RECK: variants seen among roughly 807,000 people sequenced by gnomAD.
RECK encodes reversion inducing cysteine rich protein with kazal motifs, also known as reversion-inducing cysteine-rich protein with Kazal motifs.
In RECK, 69 loss-of-function variants were observed where a neutral mutation model predicts 115.1. That is an observed-to-expected ratio of 0.60 (90% CI 0.49 to 0.73). The LOEUF is 0.73. Among genes scored for constraint, RECK ranks in the 30% least tolerant of loss-of-function variants. The pLI is 0.00. For synonymous variants in RECK, 414 were observed against 419.7 expected, an observed-to-expected ratio of 0.99 and a Z score of 0.17; for missense variants, 1,047 against 1,203.7, an observed-to-expected ratio of 0.87 and a Z score of 1.93.
At chr9:36,049,011 C>A (rs1003267589) in intron 1 of RECK, among the ~76,000 whole-genome samples, 19 of 152,156 alleles carry the variant, frequency 1.2e-4, no homozygotes, top group Non-Finnish European at 2.2e-4. Context: ...TAGACCAACT[C>A]ACAGAACTCT....
intron 10 of RECK, among the ~76,000 whole-genome samples, chr9:36,098,067 A>G (rs1823424121): frequency 6.6e-6 from 1 of 152,100 alleles, no homozygotes; most frequent in Non-Finnish European, 1.5e-5. Flanking sequence ...GGGAGGAGAG[A>G]GGGGAGAGGA....
In RECK at chr9:36,120,940, C is replaced by T. The variant is rs549336802; in HGVS notation, c.2538+204C>T. 8.1e-4 allele frequency among the ~76,000 whole-genome samples: 124 copies of T among 152,342 alleles called. 3 individuals carry two copies. In the South Asian group the frequency reaches 0.024, roughly 30 times the overall value. ...GACTCCCAAGCCCATGTTCCTCCCC[C>T]CTACACCCTGGCTGTGCACATCACA... On this transcript the variant is annotated intron_variant, in intron 19 of 20. Coordinates refer to ENST00000377966, the MANE Select transcript of RECK (RefSeq NM_021111.3).
At position 36,100,431 on chromosome 9, in the gene RECK, A is replaced by G. The variant is rs1160091790; in HGVS notation, c.1186A>G (p.Asn396Asp). 1 of 1,613,942 alleles carries G rather than the reference A, an allele frequency of 6.2e-7. No homozygotes were observed. The highest frequency in any genetic ancestry group is 1.3e-5 in the African/African-American group (1 of 74,948). The change falls in exon 11 of 21, where the codon AAT (asparagine) becomes GAT (aspartate). Residue 396 changes from asparagine to aspartate, a missense_variant. By Grantham distance (23) the Asn-to-Asp change is conservative (BLOSUM62 1). Transcript: ENST00000377966. ...AGGAAGCATAAAGATGCCATTTATC[A>G]ATATACCTGTTCTTGATATTAAAAA... ...EKGSIKMPFI[N>D]IPVLDIKKCQ... is the part of the protein sequence containing the mutation.
chr9:36,104,493 C>G (rs1196688852), intron 12 of RECK, among the ~76,000 whole-genome samples: 3 of 147,014 alleles, frequency 2.0e-5, no homozygotes, highest in Admixed American at 6.8e-5. Flanking sequence ...CATGCCACCA[C>G]GCCCAGCTAA....
intron 1 of RECK, among the ~76,000 whole-genome samples, chr9:36,044,917 ACCTTGATTAGAAG>A (rs1165909709): frequency 6.6e-6 from 1 of 152,126 alleles, no homozygotes; most frequent in East Asian, 1.9e-4. Context: ...CCATTGTAGG[ACCTTGATTAGAAG>A]AGGGATGTCA....
chr9:36,043,038 T>G (rs7851050), intron 1 of RECK, among the ~76,000 whole-genome samples: 2,553 of 130,982 alleles, frequency 0.019, 162 homozygotes, highest in African/African-American at 0.071. Context: ...TTTTTTTTTT[T>G]TTGTTGAGAC....
intron 15 of RECK, among the ~76,000 whole-genome samples, 180 bp from the exon 16 acceptor site, chr9:36,112,122 CAAA>C (rs58460262): frequency 4.8e-3 from 344 of 71,610 alleles, no homozygotes; most frequent in African/African-American, 0.016. Flanking sequence ...GACTCCATCT[CAAA>C]AAAAAAAAAA....
chr9:36,079,491 A>T lies in RECK; in HGVS notation c.406-1114A>T, dbSNP rs993899920. Among the ~76,000 whole-genome samples, 11 of 152,206 alleles carry T rather than the reference A, an allele frequency of 7.2e-5. No homozygotes were observed. In the East Asian group the frequency reaches 1.9e-3, roughly 27 times the overall value. Reference sequence around the variant, plus strand: ...GGTTTTCTGTTTTATTTTGCTTTAAATTGTTAAATCAAGTGTGGCATATTC... The same window carrying T: ...GGTTTTCTGTTTTATTTTGCTTTAATTTGTTAAATCAAGTGTGGCATATTC... On this transcript the variant is annotated intron_variant, in intron 6 of 20. Transcript: ENST00000377966.
chr9:36,042,877 G>A (rs1820922062), intron 1 of RECK, among the ~76,000 whole-genome samples: 1 of 152,058 alleles, frequency 6.6e-6, no homozygotes, highest in East Asian at 1.9e-4. Flanking sequence ...ATTCTTGCAT[G>A]AGTAAGGTGG....
chr9:36,065,736 T>C, intron 6 of RECK, 112 bp downstream of exon 6: 1 of 866,916 alleles, frequency 1.2e-6, no homozygotes, highest in Non-Finnish European at 1.6e-6. Context: ...CCTTTTACCT[T>C]ACAGAAAATT....
At chr9:36,122,328 C>T (rs752909580) in intron 20 of RECK, among the ~76,000 whole-genome samples, 1 of 152,176 alleles carries the variant, frequency 6.6e-6, no homozygotes, top group African/African-American at 2.4e-5. Context: ...AAATTGTATT[C>T]TGTGTGACCC....
chr9:36,092,370 C>CT lies in RECK; in HGVS notation c.1085+1037dup, dbSNP rs1179548865. ...TGATCAAAAGCAGGAGGGTCTACAT[C>CT]TTTTTTTTTTATTATTTTTGAGACA... On this transcript the variant is annotated intron_variant, in intron 10 of 20. Transcript: ENST00000377966. Among the ~76,000 whole-genome samples the CT allele has an allele frequency of 6.6e-3, 967 of 147,432 alleles. 11 individuals carry two copies. Among genetic ancestry groups the CT allele is most frequent in the African/African-American group, 0.021 (860 of 40,248 alleles).
At chr9:36,074,216 G>A (rs1249553390) in intron 6 of RECK, among the ~76,000 whole-genome samples, 5 of 152,198 alleles carry the variant, frequency 3.3e-5, no homozygotes, top group Admixed American at 6.5e-5. Flanking sequence ...AGCATTTGTC[G>A]CTCTATAGCA....
intron 6 of RECK, among the ~76,000 whole-genome samples, chr9:36,068,885 T>G (rs182201219): frequency 1.1e-4 from 16 of 152,272 alleles, no homozygotes; most frequent in African/African-American, 3.9e-4. Flanking sequence ...TTCCCATGAG[T>G]TTGCAGCCCA....
chr9:36,088,203 G>T (rs1256681660), intron 9 of RECK, among the ~76,000 whole-genome samples: 1 of 152,180 alleles, frequency 6.6e-6, no homozygotes, highest in Non-Finnish European at 1.5e-5. Flanking sequence ...CATTGGCAGG[G>T]TAGTAAATAT....
intron 12 of RECK, among the ~76,000 whole-genome samples, chr9:36,104,733 T>A (rs1823732404): frequency 6.6e-6 from 1 of 152,112 alleles, no homozygotes; most frequent in African/African-American, 2.4e-5. Flanking sequence ...GGTCTCAAAC[T>A]CCTGGCCTCC....
chr9:36,105,294 GGT>G lies in RECK; in HGVS notation c.1576+13_1576+14del. 6.2e-7 allele frequency: 1 copy of G among 1,613,828 alleles called. No individual in the cohort carries two copies. Among genetic ancestry groups the G allele is most frequent in the South Asian group, 1.1e-5 (1 of 91,038 alleles). The stretch of plus-strand genomic sequence containing the variant: ...ACTTTTGTGTTCAAGGTAAGAGGTA[GGT>G]GGGTGTGAGAAGAGGATGGATAGGT... On this transcript the variant is annotated intron_variant, in intron 13 of 20. Coordinates refer to ENST00000377966, the MANE Select transcript of RECK (RefSeq NM_021111.3).
At chr9:36,050,249 A>ATC (rs1179621219) in intron 1 of RECK, among the ~76,000 whole-genome samples, 1 of 151,966 alleles carries the variant, frequency 6.6e-6, no homozygotes, top group African/African-American at 2.4e-5. Flanking sequence ...ATTTCTGATC[A>ATC]TCTCTCTCTC....
intron 4 of RECK, among the ~76,000 whole-genome samples, chr9:36,061,558 A>G (rs535911279): frequency 1.3e-5 from 2 of 152,330 alleles, no homozygotes; most frequent in South Asian, 4.1e-4. Flanking sequence ...CTTAGTAAAT[A>G]TAAATGCTTT....
Sources: gnomAD v4.1 joint callset for allele counts (sites outside exome capture counted in the v4.1 genomes callset) on GRCh38, gnomAD v4.1.1 for gene constraint, MANE v1.5 for transcripts, NCBI Gene and HGNC (gene_info 2026-07-23, HGNC 2026-07-21) for gene names.